DLGAP1: variants seen among roughly 807,000 people sequenced by gnomAD.
The protein encoded by DLGAP1 is disks large-associated protein 1.
Under a neutral mutation model 90.8 loss-of-function variants are expected in DLGAP1, and 11 were observed. That is an observed-to-expected ratio of 0.12 (90% CI 0.08 to 0.20). The LOEUF is 0.20. DLGAP1 is among the 10% of genes least tolerant of loss of function. The pLI is 1.00. For missense variants in DLGAP1, 1,050 were observed against 1,333.8 expected (o/e 0.79, Z 3.31); for synonymous variants, 558 against 540.7 (o/e 1.03, Z -0.44).
At chr18:4,133,610 A>G (rs927961769) in intron 2 of DLGAP1, among the ~76,000 whole-genome samples, 5 of 152,158 alleles carry the variant, frequency 3.3e-5, no homozygotes, top group Non-Finnish European at 7.3e-5. Flanking sequence ...TTTTCTACTT[A>G]GTTGCTTGGG....
chr18:3,700,811 G>A (rs1030067772), intron 7 of DLGAP1, among the ~76,000 whole-genome samples: 8 of 152,004 alleles, frequency 5.3e-5, no homozygotes, highest in South Asian at 4.2e-4. Flanking sequence ...GGGTTTCACC[G>A]TTTTAGCCAG....
intron 7 of DLGAP1, among the ~76,000 whole-genome samples, chr18:3,725,211 A>G (rs1370242904): frequency 6.6e-6 from 1 of 152,174 alleles, no homozygotes; most frequent in Non-Finnish European, 1.5e-5. Context: ...CAATAATTAG[A>G]TCACCACATA....
rs751094311 is a variant in DLGAP1 at position 4,412,597 on chromosome 18, T to A, written c.-267+42409A>T. Among the ~76,000 whole-genome samples, 131 of 152,078 alleles carry A rather than the reference T, an allele frequency of 8.6e-4. 1 individual carries two copies. The highest frequency in any genetic ancestry group is 4.6e-3 in the Admixed American group (70 of 15,260). ...GGACCAAGTATGGAGAAACATAAAG[T>A]TTAATAAGGAACAGCTTATTGACAT... is the stretch of plus-strand genomic sequence containing the variant. On this transcript the variant is annotated intron_variant, in intron 1 of 12. Coordinates refer to ENST00000315677, the MANE Select transcript of DLGAP1 (RefSeq NM_004746.4).
chr18:4,174,317 T>C (rs1483498332), intron 1 of DLGAP1, among the ~76,000 whole-genome samples: 1 of 151,936 alleles, frequency 6.6e-6, no homozygotes, highest in Non-Finnish European at 1.5e-5. Flanking sequence ...AACTTCATTG[T>C]TTTTATTTTA....
In DLGAP1 at chr18:3,647,584, G is replaced by C. The variant is rs2059165446; in HGVS notation, c.1592-65336C>G. ...GGGTTCAAGCGATTCTCCTGCCTTA[G>C]CCTCCCGAGTACCTGGGACTACAGG... On this transcript the variant is annotated intron_variant, in intron 7 of 12. Coordinates refer to ENST00000315677, the MANE Select transcript of DLGAP1 (RefSeq NM_004746.4). 2.0e-5 allele frequency among the ~76,000 whole-genome samples: 3 copies of C among 151,622 alleles called. No individual in the cohort carries two copies. In the South Asian group the frequency reaches 6.2e-4, roughly 32 times the overall value.
intron 1 of DLGAP1, among the ~76,000 whole-genome samples, chr18:4,234,776 C>T (rs1457389271): frequency 6.6e-6 from 1 of 152,184 alleles, no homozygotes; most frequent in East Asian, 1.9e-4. Context: ...ACTCTCACTA[C>T]ACCCATTTCA....
intron 1 of DLGAP1, among the ~76,000 whole-genome samples, chr18:4,153,403 G>T (rs1415292003): frequency 6.6e-6 from 1 of 152,210 alleles, no homozygotes; most frequent in East Asian, 1.9e-4. Flanking sequence ...TGAAACCAGA[G>T]AATTGACTTG....
chr18:4,109,532 C>T (rs935979072), intron 2 of DLGAP1, among the ~76,000 whole-genome samples: 1 of 150,406 alleles, frequency 6.6e-6, no homozygotes, highest in Non-Finnish European at 1.5e-5. Flanking sequence ...TGCTTCACTA[C>T]TTGGAGACCT....
intron 1 of DLGAP1, among the ~76,000 whole-genome samples, chr18:4,283,294 T>C (rs1405782047): frequency 3.9e-5 from 6 of 152,316 alleles, no homozygotes; most frequent in Admixed American, 3.9e-4. Context: ...AAGTTTGTAC[T>C]AGGAATGATA....
chr18:3,904,768 T>A (rs1157549356), intron 3 of DLGAP1, among the ~76,000 whole-genome samples: 4 of 152,214 alleles, frequency 2.6e-5, no homozygotes, highest in African/African-American at 9.6e-5. Context: ...TAATTGATAA[T>A]GTTTGAAAAT....
chr18:3,884,610 A>T (rs559999458), intron 3 of DLGAP1, among the ~76,000 whole-genome samples: 6 of 152,338 alleles, frequency 3.9e-5, no homozygotes, highest in African/African-American at 7.2e-5. Flanking sequence ...AGAGCAAACG[A>T]AGAGCTGTTT....
chr18:3,797,679 T>C (rs983069329), intron 5 of DLGAP1, among the ~76,000 whole-genome samples: 1 of 151,920 alleles, frequency 6.6e-6, no homozygotes, highest in South Asian at 2.1e-4. Flanking sequence ...GGTGGGTCAC[T>C]ACACATAGTG....
At chr18:3,610,081 T>C (rs1232129499) in intron 7 of DLGAP1, among the ~76,000 whole-genome samples, 2 of 151,464 alleles carry the variant, frequency 1.3e-5, no homozygotes, top group East Asian at 3.9e-4. Flanking sequence ...AAAAATTGCT[T>C]TAAAAAATAA....
chr18:3,870,612 C>T (rs1450679063), intron 4 of DLGAP1, among the ~76,000 whole-genome samples: 1 of 109,560 alleles, frequency 9.1e-6, no homozygotes, highest in Non-Finnish European at 2.2e-5. Context: ...ATACATCTAT[C>T]TATCTATCTA....
At chr18:3,949,766 T>C (rs192199428) in intron 3 of DLGAP1, among the ~76,000 whole-genome samples, 3 of 152,280 alleles carry the variant, frequency 2.0e-5, no homozygotes, top group Non-Finnish European at 4.4e-5. Flanking sequence ...GTTCTAAAAA[T>C]CTGTTATTTT....
At chr18:3,741,674 T>G (rs1332509634) in intron 6 of DLGAP1, among the ~76,000 whole-genome samples, 3 of 152,182 alleles carry the variant, frequency 2.0e-5, no homozygotes, top group Non-Finnish European at 4.4e-5. Context: ...TCACCATCAG[T>G]AACATTAATT....
chr18:4,116,242 G>C (rs754241135), intron 2 of DLGAP1, among the ~76,000 whole-genome samples: 1 of 152,058 alleles, frequency 6.6e-6, no homozygotes, highest in African/African-American at 2.4e-5. Context: ...TAATCTTTTT[G>C]AGATTCCCTT....
chr18:4,019,889 A>G (rs897788304), intron 2 of DLGAP1, among the ~76,000 whole-genome samples: 2 of 152,198 alleles, frequency 1.3e-5, no homozygotes, highest in African/African-American at 4.8e-5. Context: ...AGCAAATTCT[A>G]TGACCTATAA....
At chr18:3,674,702 C>G (rs1163802319) in intron 7 of DLGAP1, among the ~76,000 whole-genome samples, 1 of 152,080 alleles carries the variant, frequency 6.6e-6, no homozygotes, top group Non-Finnish European at 1.5e-5. Flanking sequence ...ACTTCCACCC[C>G]TACTATCACC....
Sources: allele counts gnomAD v4.1 joint callset (sites outside exome capture counted in the v4.1 genomes callset), GRCh38; gene constraint gnomAD v4.1.1; transcripts MANE v1.5; gene names NCBI Gene and HGNC (gene_info 2026-07-23, HGNC 2026-07-21).